HTR4: variants seen among roughly 807,000 people sequenced by gnomAD.
HTR4 encodes 5-hydroxytryptamine receptor 4, also known as 5-hydroxytryptamine (serotonin) receptor 4, G protein-coupled.
Under a neutral mutation model 36.8 loss-of-function variants are expected in HTR4, and 16 were observed. The observed-to-expected ratio is 0.43, with a 90% confidence interval of 0.29 to 0.66. HTR4 has a LOEUF of 0.66. Among genes scored for constraint, HTR4 ranks in the 30% least tolerant of loss-of-function variants. The probability of loss-of-function intolerance (pLI) is 0.13; values close to 1 mark genes in which losing one functional copy is unlikely to be tolerated. For synonymous variants in HTR4, 189 were observed against 185.1 expected (o/e 1.02, Z -0.17); for missense variants, 438 against 490.9 (o/e 0.89, Z 1.02).
intron 4 of HTR4, among the ~76,000 whole-genome samples, chr5:148,526,934 A>T (rs530123896): frequency 6.6e-6 from 1 of 152,278 alleles, no homozygotes; most frequent in South Asian, 2.1e-4. Context: ...ATACAATTAG[A>T]TAGTGGGAAT....
In HTR4 at chr5:148,610,338, G is replaced by T. The variant is rs1016137789; in HGVS notation, c.26+26651C>A. ...TACGCAGCTGGAGATCTGAGAACGG[G>T]CAGACTGCCTCCTCAAGTGGGTCCC... On this transcript the variant is annotated intron_variant, in intron 2 of 6. Coordinates refer to ENST00000377888, the MANE Select transcript of HTR4 (RefSeq NM_000870.7). 1.1e-4 allele frequency among the ~76,000 whole-genome samples: 16 copies of T among 152,280 alleles called. No homozygotes were observed. In the East Asian group the frequency reaches 2.3e-3, roughly 22 times the overall value.
chr5:148,592,252 G>A (rs536701882), intron 2 of HTR4, among the ~76,000 whole-genome samples: 2 of 152,236 alleles, frequency 1.3e-5, no homozygotes, highest in South Asian at 2.1e-4. Context: ...GGTGAGAGGA[G>A]GGAGAGGACA....
At chr5:148,525,324 ACT>A (rs920482710) in intron 4 of HTR4, among the ~76,000 whole-genome samples, 6 of 151,828 alleles carry the variant, frequency 4.0e-5, no homozygotes, top group African/African-American at 1.5e-4. Context: ...GATGAAATAT[ACT>A]CTTTTTTTTT....
At chr5:148,494,423 C>A (rs1280663924) in intron 6 of HTR4, among the ~76,000 whole-genome samples, 1 of 152,038 alleles carries the variant, frequency 6.6e-6, no homozygotes, top group Non-Finnish European at 1.5e-5. Flanking sequence ...GGGCTGTAAC[C>A]CGGATTATTT....
At position 148,608,437 on chromosome 5, in the gene HTR4, TGAA is replaced by T. The variant is rs578094328; in HGVS notation, c.26+28549_26+28551del. ...TGCCATAACTAGCCAAATGAAGTGGTGAAGAAGAATGCTCTCAGTAGCAAGAGA... is the reference window on the plus strand; with the variant it reads ...TGCCATAACTAGCCAAATGAAGTGGTGAAGAATGCTCTCAGTAGCAAGAGA... On this transcript the variant is annotated intron_variant, in intron 2 of 6. Coordinates refer to ENST00000377888, the MANE Select transcript of HTR4 (RefSeq NM_000870.7). Among the ~76,000 whole-genome samples, 169 of 152,034 alleles carry T rather than the reference TGAA, an allele frequency of 1.1e-3. 1 individual carries two copies. Among genetic ancestry groups the T allele is most frequent in the African/African-American group, 3.9e-3 (161 of 41,472 alleles).
chr5:148,590,446 G>A (rs1439135776), intron 2 of HTR4, among the ~76,000 whole-genome samples: 8 of 151,432 alleles, frequency 5.3e-5, no homozygotes, highest in Non-Finnish European at 8.8e-5. Context: ...ATAGGCATGC[G>A]CCACCATGCT....
intron 5 of HTR4, among the ~76,000 whole-genome samples, chr5:148,464,837 T>C (rs982758861): frequency 6.6e-6 from 1 of 152,160 alleles, no homozygotes; most frequent in South Asian, 2.1e-4. Context: ...GAGAAATTTT[T>C]AGTAGGTGAA....
At chr5:148,571,595 T>G (rs1760679912) in intron 2 of HTR4, among the ~76,000 whole-genome samples, 1 of 152,056 alleles carries the variant, frequency 6.6e-6, no homozygotes, top group African/African-American at 2.4e-5. Context: ...GAGTAGCAGT[T>G]GATCTGGGGT....
At chr5:148,644,887 G>A (rs1446533669) in intron 1 of HTR4, 1 of 152,166 alleles carries the variant, frequency 6.6e-6, no homozygotes, top group Non-Finnish European at 1.5e-5. Context: ...GAAATGGTCA[G>A]GGGATCTGCA....
chr5:148,520,705 T>C (rs1300211685), intron 5 of HTR4, among the ~76,000 whole-genome samples: 2 of 152,214 alleles, frequency 1.3e-5, no homozygotes, highest in Non-Finnish European at 2.9e-5. Flanking sequence ...GCTTCATACA[T>C]ACATAGTAAG....
intron 2 of HTR4, among the ~76,000 whole-genome samples, chr5:148,590,559 A>G (rs1480250911): frequency 2.6e-5 from 4 of 151,906 alleles, no homozygotes; most frequent in African/African-American, 7.2e-5. Context: ...CCACATGTTC[A>G]TTAAATTTTT....
intron 2 of HTR4, among the ~76,000 whole-genome samples, chr5:148,604,724 T>C (rs1021099114): frequency 6.6e-6 from 1 of 152,138 alleles, no homozygotes; most frequent in African/African-American, 2.4e-5. Flanking sequence ...AAAGATATAA[T>C]GATGAATGAA....
At chr5:148,644,421 A>T (rs1753815848) in intron 1 of HTR4, among the ~76,000 whole-genome samples, 1 of 85,848 alleles carries the variant, frequency 1.2e-5, no homozygotes. Context: ...CAAGCTCACA[A>T]GTTTTTTTTT....
At chr5:148,483,622 G>A (rs1755997493) in intron 6 of HTR4, among the ~76,000 whole-genome samples, 2 of 152,054 alleles carry the variant, frequency 1.3e-5, no homozygotes, top group Admixed American at 1.3e-4. Flanking sequence ...TACACATTCC[G>A]ATTTTCTTTA....
intron 4 of HTR4, among the ~76,000 whole-genome samples, chr5:148,536,505 C>T (rs185842895): frequency 1.3e-4 from 20 of 151,196 alleles, no homozygotes; most frequent in African/African-American, 2.7e-4. Context: ...TCATCTCACA[C>T]GTAATGATAC....
At chr5:148,602,131 T>C (rs1218130657) in intron 2 of HTR4, among the ~76,000 whole-genome samples, 1 of 152,132 alleles carries the variant, frequency 6.6e-6, no homozygotes, top group Non-Finnish European at 1.5e-5. Flanking sequence ...TTATGTTAAG[T>C]GTTCTTACCA....
intron 6 of HTR4, chr5:148,490,961 G>A (rs1038174317): frequency 7.6e-6 from 3 of 397,120 alleles, no homozygotes; most frequent in Non-Finnish European, 1.5e-5. Flanking sequence ...GAAAATCATG[G>A]CATTTACCCT....
intron 6 of HTR4, among the ~76,000 whole-genome samples, chr5:148,506,164 A>G (rs558001689): frequency 6.6e-6 from 1 of 152,340 alleles, no homozygotes; most frequent in South Asian, 2.1e-4. Flanking sequence ...TGGTACTGGG[A>G]CTAAAACAGA....
intron 6 of HTR4, among the ~76,000 whole-genome samples, chr5:148,492,158 G>T (rs1422675880): frequency 6.6e-6 from 1 of 152,144 alleles, no homozygotes; most frequent in Non-Finnish European, 1.5e-5. Flanking sequence ...GATCTCTGAG[G>T]GCTGGTACAC....
Sources: gnomAD v4.1 joint callset for allele counts (sites outside exome capture counted in the v4.1 genomes callset) on GRCh38, gnomAD v4.1.1 for gene constraint, MANE v1.5 for transcripts, NCBI Gene and HGNC (gene_info 2026-07-23, HGNC 2026-07-21) for gene names.